AMD1: variants seen among roughly 807,000 people sequenced by gnomAD.
AMD1 encodes adenosylmethionine decarboxylase 1.
Under a neutral mutation model 40.2 loss-of-function variants are expected in AMD1, and 11 were observed. That is an observed-to-expected ratio of 0.27 (90% confidence interval 0.17 to 0.45). AMD1 has a LOEUF of 0.45. Among genes scored for constraint, AMD1 ranks in the 20% least tolerant of loss-of-function variants. AMD1 has a pLI of 1.00. For missense variants in AMD1, 257 were observed against 410.2 expected, an observed-to-expected ratio of 0.63 and a Z score of 3.23; for synonymous variants, 121 against 130.8, an observed-to-expected ratio of 0.93 and a Z score of 0.51.
the AMD1 span, among the ~76,000 whole-genome samples, chr6:110,816,755 A>G: frequency 6.6e-6 from 1 of 151,684 alleles, no homozygotes; most frequent in Non-Finnish European, 1.5e-5. Context: ...GAAGCCCCAA[A>G]CCCCACTTTT....
the AMD1 span, among the ~76,000 whole-genome samples, chr6:110,838,851 C>T: frequency 2.0e-5 from 3 of 152,254 alleles, no homozygotes; most frequent in African/African-American, 7.2e-5. Context: ...ACAGCAAAAC[C>T]TCCGTCTACT....
chr6:110,848,623 C>A, the AMD1 span: 1 of 570,090 alleles, frequency 1.8e-6, no homozygotes, highest in South Asian at 1.8e-5. Flanking sequence ...TCTTTTGCAA[C>A]CCAGAACTCA....
chr6:110,828,166 C>T, the AMD1 span, among the ~76,000 whole-genome samples: 24,006 of 152,096 alleles, frequency 0.16, 2,100 homozygotes, highest in East Asian at 0.31. Flanking sequence ...CCCGGTGGCT[C>T]ACGTCTGTAA....
the AMD1 span, among the ~76,000 whole-genome samples, chr6:110,820,740 T>G: frequency 6.6e-6 from 1 of 151,826 alleles, no homozygotes; most frequent in Non-Finnish European, 1.5e-5. Context: ...CCATCTTTAC[T>G]AAAAATACAA....
At chr6:110,892,088 G>T (rs1786052651) in intron 4 of AMD1, 73 bp from the exon 5 acceptor site, 1 of 1,505,640 alleles carries the variant, frequency 6.6e-7, no homozygotes. Flanking sequence ...TCTGCTTATT[G>T]TGGAAGGGTA....
the AMD1 span, among the ~76,000 whole-genome samples, chr6:110,861,190 C>G: frequency 6.6e-6 from 1 of 151,992 alleles, no homozygotes; most frequent in Non-Finnish European, 1.5e-5. Context: ...AACCTTGTCT[C>G]TACTATAAAC....
At chr6:110,859,246 C>A in the AMD1 span, 1 of 473,914 alleles carries the variant, frequency 2.1e-6, no homozygotes, top group Non-Finnish European at 3.8e-6. Flanking sequence ...TCAGTGCTGC[C>A]AATCAACCCA....
the AMD1 span, among the ~76,000 whole-genome samples, chr6:110,844,520 G>C: frequency 6.6e-6 from 1 of 151,922 alleles, no homozygotes; most frequent in Admixed American, 6.6e-5. Flanking sequence ...GGTGGCTCAC[G>C]CCTGTAATCC....
In AMD1 at chr6:110,879,196, T is replaced by C. The variant is rs75153195; in HGVS notation, c.110+3981T>C. ...CTCTACAAAAAAAATTGAAAAATTA[T>C]CTGTGCGTGCTGGTCCATCCTGGTG... On this transcript the variant is annotated intron_variant, in intron 1 of 8. Transcript: ENST00000368885. 2.8e-4 allele frequency among the ~76,000 whole-genome samples: 42 copies of C among 152,210 alleles called. No homozygotes were observed. In the East Asian group the frequency reaches 6.4e-3, roughly 23 times the overall value.
chr6:110,823,664 A>C, the AMD1 span, among the ~76,000 whole-genome samples: 15 of 152,336 alleles, frequency 9.8e-5, no homozygotes, highest in African/African-American at 3.6e-4. Context: ...GTTCCTTGAG[A>C]GCTAGAGATG....
the AMD1 span, among the ~76,000 whole-genome samples, chr6:110,818,433 T>G: frequency 6.6e-6 from 1 of 152,206 alleles, no homozygotes; most frequent in Non-Finnish European, 1.5e-5. Flanking sequence ...CATTATTGGA[T>G]TAATTTGTAG....
the AMD1 span, among the ~76,000 whole-genome samples, chr6:110,828,552 C>A: frequency 1.3e-5 from 2 of 152,196 alleles, no homozygotes; most frequent in African/African-American, 2.4e-5. Flanking sequence ...TGCCCAGCAT[C>A]AACGGATTAG....
chr6:110,837,732 AAAAAAAAAAAAAAATAT>A, the AMD1 span, among the ~76,000 whole-genome samples: 2 of 111,520 alleles, frequency 1.8e-5, no homozygotes, highest in African/African-American at 3.8e-5. Context: ...AAAAAAAAAA[AAAAAAAAAAAAAAATAT>A]ATATATATAT....
At chr6:110,824,498 C>T in the AMD1 span, among the ~76,000 whole-genome samples, 1 of 152,088 alleles carries the variant, frequency 6.6e-6, no homozygotes, top group Non-Finnish European at 1.5e-5. Context: ...GACCAGTGCA[C>T]TAAAATCTCA....
At chr6:110,860,070 GCCCAC>G in the AMD1 span, among the ~76,000 whole-genome samples, 1 of 151,994 alleles carries the variant, frequency 6.6e-6, no homozygotes, top group Non-Finnish European at 1.5e-5. Flanking sequence ...CAGGTGATCC[GCCCAC>G]CTTGGCCTCC....
chr6:110,816,112 G>A, the AMD1 span, among the ~76,000 whole-genome samples: 1 of 152,184 alleles, frequency 6.6e-6, no homozygotes, highest in Admixed American at 6.5e-5. Context: ...CCTAGAGCCT[G>A]CCTTGGCCAG....
chr6:110,859,089 C>T, the AMD1 span: 2 of 1,308,164 alleles, frequency 1.5e-6, no homozygotes, highest in Non-Finnish European at 2.2e-6. Flanking sequence ...CTCGGGCGCG[C>T]AGGCTCGGGG....
chr6:110,887,830 C>T (rs1785778546), intron 2 of AMD1, among the ~76,000 whole-genome samples: 1 of 152,112 alleles, frequency 6.6e-6, no homozygotes, highest in Admixed American at 6.6e-5. Flanking sequence ...GGATTACAGG[C>T]ACCTTCCATC....
At chr6:110,846,042 C>G in the AMD1 span, among the ~76,000 whole-genome samples, 1 of 152,128 alleles carries the variant, frequency 6.6e-6, no homozygotes, top group East Asian at 1.9e-4. Flanking sequence ...ATGTTCGAGA[C>G]CAGCCTGGCC....
Sources: gnomAD v4.1 joint callset for allele counts (sites outside exome capture counted in the v4.1 genomes callset) on GRCh38, gnomAD v4.1.1 for gene constraint, MANE v1.5 for transcripts, NCBI Gene and HGNC (gene_info 2026-07-23, HGNC 2026-07-21) for gene names.